The following ECHDC1 variants were observed in gnomAD, a reference collection of about 807,000 sequenced individuals.
ECHDC1 encodes ethylmalonyl-CoA decarboxylase 1.
ECHDC1 carries 29 observed loss-of-function variants against 29.7 expected under a neutral mutation model. That is an observed-to-expected ratio of 0.98 (90% CI 0.73 to 1.33). ECHDC1 has a LOEUF of 1.33. ECHDC1 is among the 40% of genes most tolerant of loss of function. The pLI is 0.00. For synonymous variants in ECHDC1, 126 were observed against 123.1 expected, an observed-to-expected ratio of 1.02 and a Z score of -0.15; for missense variants, 328 against 350.0, an observed-to-expected ratio of 0.94 and a Z score of 0.50.
chr6:127,313,983 C>T (rs1364409486), intron 5 of ECHDC1, among the ~76,000 whole-genome samples: 1 of 152,134 alleles, frequency 6.6e-6, no homozygotes, highest in East Asian at 1.9e-4. Context: ...TGCTCAAAGT[C>T]AAGTAGATAA....
At chr6:127,320,209 G>A (rs1231222500) in intron 3 of ECHDC1, among the ~76,000 whole-genome samples, 2 of 152,110 alleles carry the variant, frequency 1.3e-5, no homozygotes, top group Non-Finnish European at 2.9e-5. Context: ...GTAGAAACGG[G>A]TTTCACCATG....
intron 1 of ECHDC1, among the ~76,000 whole-genome samples, chr6:127,340,548 A>G (rs1784840559): frequency 2.0e-5 from 3 of 152,236 alleles, no homozygotes; most frequent in African/African-American, 7.2e-5. Flanking sequence ...TAAACCTGGG[A>G]GGCCTACATA....
Position 127,330,910 on chromosome 6 carries a change from G to GC in ECHDC1, c.118_119insG (p.Thr40SerfsTer11), listed in dbSNP as rs1562331609. 6.2e-7 allele frequency: 1 copy of GC among 1,614,046 alleles called. No individual in the cohort carries two copies. The highest frequency in any genetic ancestry group is 8.5e-7 in the Non-Finnish European group (1 of 1,179,992). ...GGATCCACCAGGAAACTGCTGAAGTGTTTTTTTCACTTCTTCCTCATAAAA... is the reference window on the plus strand; with the variant it reads ...GGATCCACCAGGAAACTGCTGAAGTGCTTTTTTTCACTTCTTCCTCATAAAA... On this transcript the variant is annotated frameshift_variant, in exon 2 of 6. Coordinates refer to ENST00000454859, the MANE Select transcript of ECHDC1 (RefSeq NM_001002030.2). LOFTEE classifies it high-confidence loss of function.
chr6:127,297,701 G>A (rs1036369091), intron 5 of ECHDC1, among the ~76,000 whole-genome samples: 1 of 152,182 alleles, frequency 6.6e-6, no homozygotes, highest in Non-Finnish European at 1.5e-5. Context: ...CAGACCTGCA[G>A]TTAAACAAAC....
intron 5 of ECHDC1, among the ~76,000 whole-genome samples, chr6:127,298,242 TA>T (rs1449768000): frequency 1.4e-4 from 21 of 152,144 alleles, no homozygotes; most frequent in Non-Finnish European, 2.9e-5. Context: ...AATTAAAAAT[TA>T]AAAAATACAA....
intron 1 of ECHDC1, among the ~76,000 whole-genome samples, chr6:127,339,632 G>C (rs192018280): frequency 6.6e-6 from 1 of 151,984 alleles, no homozygotes; most frequent in Non-Finnish European, 1.5e-5. Context: ...AATCAGCCAG[G>C]TGTAGTGGCA....
At chr6:127,299,802 A>C (rs949541352) in intron 5 of ECHDC1, among the ~76,000 whole-genome samples, 1 of 152,170 alleles carries the variant, frequency 6.6e-6, no homozygotes, top group Non-Finnish European at 1.5e-5. Context: ...AGAGACTTTC[A>C]GTCCTGCAAG....
chr6:127,331,061 T>G, intron 1 of ECHDC1, 31 bp from the exon 2 acceptor site: 1 of 1,539,152 alleles, frequency 6.5e-7, no homozygotes, highest in Non-Finnish European at 8.9e-7. Context: ...TGCGGTAGTA[T>G]AGATGAATAG....
intron 1 of ECHDC1, among the ~76,000 whole-genome samples, chr6:127,332,572 G>A (rs1030226357): frequency 6.6e-6 from 1 of 152,112 alleles, no homozygotes; most frequent in African/African-American, 2.4e-5. Context: ...TGTGGGGGAG[G>A]GTGGTGGGGA....
intron 3 of ECHDC1, 96 bp downstream of exon 3, chr6:127,326,906 T>C (rs1783394091): frequency 1.4e-6 from 2 of 1,381,034 alleles, no homozygotes; most frequent in East Asian, 2.3e-5. Flanking sequence ...TTGAAAGTTA[T>C]TAAAGTCATC....
intron 1 of ECHDC1, among the ~76,000 whole-genome samples, chr6:127,334,382 G>A (rs1056822834): frequency 1.5e-4 from 23 of 151,984 alleles, no homozygotes; most frequent in African/African-American, 5.6e-4. Context: ...CTCCAAAATG[G>A]TTACTTCCTT....
intron 1 of ECHDC1, chr6:127,331,803 A>G (rs1455775789): frequency 6.1e-6 from 6 of 983,898 alleles, no homozygotes; most frequent in African/African-American, 1.7e-5. Flanking sequence ...TCTCTAACAG[A>G]AGTTTTATTC....
At chr6:127,340,072 T>C (rs146188456) in intron 1 of ECHDC1, among the ~76,000 whole-genome samples, 2,062 of 152,316 alleles carry the variant, frequency 0.014, 23 homozygotes, top group Middle Eastern at 0.034. Context: ...GGATCACTAA[T>C]AAAAATATTG....
intron 3 of ECHDC1, among the ~76,000 whole-genome samples, chr6:127,324,316 A>G (rs1783106096): frequency 6.6e-6 from 1 of 152,200 alleles, no homozygotes; most frequent in Non-Finnish European, 1.5e-5. Flanking sequence ...ACTTTAGAAT[A>G]CATTAGCTAA....
chr6:127,314,471 T>C (rs967479063), intron 5 of ECHDC1, among the ~76,000 whole-genome samples: 1 of 152,132 alleles, frequency 6.6e-6, no homozygotes, highest in Admixed American at 6.6e-5. Flanking sequence ...TCTATTTTTC[T>C]TTTTTAATGT....
chr6:127,289,793 A>G lies in ECHDC1; in HGVS notation c.*76T>C, dbSNP rs1297813775. On this transcript the variant is annotated 3_prime_UTR_variant, in exon 6 of 6. Transcript: ENST00000454859. Reference sequence around the variant, plus strand: ...AGCCTTCAAAGTAATTCTGATGTTCATATTTAATATCATTTAACATTTATA... The same window carrying G: ...AGCCTTCAAAGTAATTCTGATGTTCGTATTTAATATCATTTAACATTTATA... 16 of 1,371,524 alleles carry G rather than the reference A, an allele frequency of 1.2e-5. No individual in the cohort carries two copies. In the East Asian group the frequency reaches 3.0e-4, roughly 26 times the overall value. 85.0% of individuals were successfully genotyped at this position (1,371,524 alleles called of 1,614,324 possible). A position where few individuals can be genotyped will look rare whatever the true frequency, so the allele number is the denominator to read the frequency against.
intron 5 of ECHDC1, among the ~76,000 whole-genome samples, chr6:127,309,478 AAAACACACACACACACACAC>A (rs1781708229): frequency 9.2e-6 from 1 of 109,000 alleles, no homozygotes; most frequent in African/African-American, 3.3e-5. Context: ...AACAAACAAC[AAAACACACACACACACACAC>A]ACACACACAC....
chr6:127,331,157 T>TC, intron 1 of ECHDC1, 127 bp from the exon 2 acceptor site: 1 of 712,472 alleles, frequency 1.4e-6, no homozygotes, highest in East Asian at 2.7e-5. Flanking sequence ...ATTTCTTTTT[T>TC]TTTTTTTTTT....
At chr6:127,329,997 C>A (rs904341125) in intron 2 of ECHDC1, 6 of 299,896 alleles carry the variant, frequency 2.0e-5, no homozygotes, top group South Asian at 2.6e-5. Flanking sequence ...AAAGTAGATA[C>A]ATGAAAATTT....
Sources: allele counts gnomAD v4.1 joint callset (sites outside exome capture counted in the v4.1 genomes callset), GRCh38; gene constraint gnomAD v4.1.1; transcripts MANE v1.5; gene names NCBI Gene and HGNC (gene_info 2026-07-23, HGNC 2026-07-21).